Variants in LRP1B observed in about 807,000 individuals in gnomAD.
LRP1B encodes LDL receptor related protein 1B.
LRP1B carries 217 observed loss-of-function variants against 556.6 expected under a neutral mutation model. That is an observed-to-expected ratio of 0.39 (90% confidence interval 0.35 to 0.44). The LOEUF (loss-of-function observed/expected upper bound fraction) is 0.44, where lower values mean the gene tolerates loss of function less well. Ranked by LOEUF, LRP1B falls within the 20% of genes least tolerant of loss-of-function variation. The pLI is 1.00. For missense variants in LRP1B, 5,053 were observed against 5,620.8 expected (o/e 0.90, Z 3.23); for synonymous variants, 2,047 against 1,865.8 (o/e 1.10, Z -2.50).
chr2:141,791,819 A>C (rs1695623560), intron 2 of LRP1B, among the ~76,000 whole-genome samples: 1 of 151,996 alleles, frequency 6.6e-6, no homozygotes, highest in South Asian at 2.1e-4. Context: ...ATGGTTAATT[A>C]ATTAATTATG....
chr2:140,766,874 TAAC>T (rs1689140531), intron 35 of LRP1B, among the ~76,000 whole-genome samples: 1 of 140,750 alleles, frequency 7.1e-6, no homozygotes, highest in African/African-American at 2.7e-5. Flanking sequence ...ATAATATATA[TAAC>T]ATATGATAAT....
chr2:140,784,467 A>C (rs1192947162), intron 32 of LRP1B, among the ~76,000 whole-genome samples: 1 of 150,416 alleles, frequency 6.6e-6, no homozygotes, highest in East Asian at 2.0e-4. Context: ...TCATTACTTA[A>C]GGTCTCCTGC....
intron 35 of LRP1B, among the ~76,000 whole-genome samples, chr2:140,757,267 C>G (rs554799819): frequency 5.9e-5 from 9 of 152,276 alleles, no homozygotes; most frequent in African/African-American, 2.2e-4. Context: ...TGAACATAAA[C>G]AGTTACCATA....
intron 1 of LRP1B, among the ~76,000 whole-genome samples, chr2:141,995,634 A>G (rs1044015826): frequency 5.3e-5 from 8 of 152,202 alleles, no homozygotes; most frequent in Non-Finnish European, 7.3e-5. Flanking sequence ...AGGAAAAACA[A>G]TAATACAAAT....
chr2:140,871,631 T>C (rs1037987874), intron 25 of LRP1B, among the ~76,000 whole-genome samples: 2 of 152,270 alleles, frequency 1.3e-5, no homozygotes, highest in East Asian at 1.9e-4. Context: ...TTCAGTTTCA[T>C]GGAGATGTGA....
intron 43 of LRP1B, among the ~76,000 whole-genome samples, chr2:140,577,753 A>G (rs1312755306): frequency 6.6e-6 from 1 of 152,094 alleles, no homozygotes. Context: ...TGCTAAAACC[A>G]TATTTGCTTG....
intron 6 of LRP1B, among the ~76,000 whole-genome samples, chr2:141,194,127 T>C (rs953854995): frequency 2.0e-5 from 3 of 152,146 alleles, no homozygotes; most frequent in Non-Finnish European, 4.4e-5. Context: ...TTTCATCGAC[T>C]GTAAATATTT....
At chr2:140,390,363 G>C (rs1382110677) in intron 66 of LRP1B, among the ~76,000 whole-genome samples, 1 of 151,938 alleles carries the variant, frequency 6.6e-6, no homozygotes, top group Non-Finnish European at 1.5e-5. Context: ...ATGAAGAAAG[G>C]CAAGTCTTTT....
At chr2:141,982,631 T>C (rs1371625952) in intron 1 of LRP1B, among the ~76,000 whole-genome samples, 1 of 152,214 alleles carries the variant, frequency 6.6e-6, no homozygotes, top group African/African-American at 2.4e-5. Context: ...ATTGAAGTAT[T>C]ATGTATTTGT....
intron 2 of LRP1B, among the ~76,000 whole-genome samples, chr2:141,725,703 T>G (rs1412525200): frequency 1.3e-5 from 2 of 151,866 alleles, no homozygotes; most frequent in Non-Finnish European, 2.9e-5. Flanking sequence ...ATGGATTTTC[T>G]CTTTGAAATC....
chr2:141,464,828 A>C (rs1682119510), intron 3 of LRP1B, among the ~76,000 whole-genome samples: 1 of 151,728 alleles, frequency 6.6e-6, no homozygotes, highest in African/African-American at 2.4e-5. Context: ...CTTAATTGAG[A>C]TCTCACTGAT....
At chr2:140,740,948 GA>G (rs1244509346) in intron 35 of LRP1B, among the ~76,000 whole-genome samples, 1 of 152,050 alleles carries the variant, frequency 6.6e-6, no homozygotes, top group Non-Finnish European at 1.5e-5. Context: ...CTAGGGGTTA[GA>G]ACTTCAACAA....
At chr2:141,431,660 AT>A (rs1344771838) in intron 3 of LRP1B, among the ~76,000 whole-genome samples, 1 of 152,182 alleles carries the variant, frequency 6.6e-6, no homozygotes, top group Non-Finnish European at 1.5e-5. Context: ...GTTTCTTAGA[AT>A]GGTGTGTTTT....
At chr2:140,293,847 T>C (rs901314422) in intron 84 of LRP1B, among the ~76,000 whole-genome samples, 1 of 152,198 alleles carries the variant, frequency 6.6e-6, no homozygotes, top group Non-Finnish European at 1.5e-5. Context: ...ATTCTGACTA[T>C]AATATTACTA....
chr2:141,266,249 G>A lies in LRP1B; in HGVS notation c.344-11608C>T, dbSNP rs574755640. Among the ~76,000 whole-genome samples the A allele has an allele frequency of 4.9e-3, 742 of 151,316 alleles. 7 individuals are homozygous for A. Among genetic ancestry groups the A allele is most frequent in the Middle Eastern group, 6.8e-3 (2 of 292 alleles). On this transcript the variant is annotated intron_variant, in intron 3 of 90. Transcript: ENST00000389484. ...TGAGACAGAAGAATGGCGTGAACCCGGGAGGCAGAGCTTGCAGTGAGCAGA... is the reference window on the plus strand; with the variant it reads ...TGAGACAGAAGAATGGCGTGAACCCAGGAGGCAGAGCTTGCAGTGAGCAGA...
At chr2:140,724,395 C>G (rs1687517018) in intron 35 of LRP1B, among the ~76,000 whole-genome samples, 1 of 152,008 alleles carries the variant, frequency 6.6e-6, no homozygotes, top group Non-Finnish European at 1.5e-5. Flanking sequence ...AAGGATAGTT[C>G]CAATTTATGA....
chr2:140,861,082 G>A (rs1406875054), intron 27 of LRP1B, among the ~76,000 whole-genome samples: 1 of 151,730 alleles, frequency 6.6e-6, no homozygotes, highest in Non-Finnish European at 1.5e-5. Flanking sequence ...AAAGTGCTTA[G>A]TACTTGCCAG....
intron 11 of LRP1B, among the ~76,000 whole-genome samples, chr2:141,044,527 A>G (rs1698807855): frequency 6.7e-6 from 1 of 149,734 alleles, no homozygotes; most frequent in South Asian, 2.1e-4. Flanking sequence ...CTCATCTGAC[A>G]AAGGGCTAAT....
chr2:140,248,507 ACAT>A (rs1486229780), intron 86 of LRP1B, among the ~76,000 whole-genome samples: 2 of 151,706 alleles, frequency 1.3e-5, no homozygotes, highest in East Asian at 1.9e-4. Context: ...AATTTTCTAT[ACAT>A]CATGTTTATT....
Sources: allele counts gnomAD v4.1 joint callset (sites outside exome capture counted in the v4.1 genomes callset), GRCh38; gene constraint gnomAD v4.1.1; transcripts MANE v1.5; gene names NCBI Gene and HGNC (gene_info 2026-07-23, HGNC 2026-07-21).